The following TTC7B variants were observed in gnomAD, a reference collection of about 807,000 sequenced individuals.
The protein encoded by TTC7B is tetratricopeptide repeat domain 7B.
TTC7B carries 28 observed loss-of-function variants against 106.8 expected under a neutral mutation model. The observed-to-expected ratio is 0.26, with a 90% CI of 0.19 to 0.36. TTC7B has a LOEUF of 0.36. Ranked by LOEUF, TTC7B falls within the 10% of genes least tolerant of loss-of-function variation. The pLI is 1.00. For missense variants in TTC7B, 862 were observed against 1,076.4 expected, an observed-to-expected ratio of 0.80 and a Z score of 2.79; for synonymous variants, 405 against 430.6, an observed-to-expected ratio of 0.94 and a Z score of 0.74.
intron 3 of TTC7B, among the ~76,000 whole-genome samples, chr14:90,760,536 C>T (rs1198676690): frequency 2.6e-5 from 4 of 152,222 alleles, no homozygotes; most frequent in Non-Finnish European, 5.9e-5. Flanking sequence ...CACTCTTCAC[C>T]ACATTTTAAC....
At chr14:90,731,258 ACT>A (rs1889318195) in intron 4 of TTC7B, among the ~76,000 whole-genome samples, 2 of 151,836 alleles carry the variant, frequency 1.3e-5, no homozygotes, top group African/African-American at 4.8e-5. Context: ...GCCTGCTGCT[ACT>A]CTCTTTAAAC....
chr14:90,573,673 C>T (rs932622511), intron 19 of TTC7B, among the ~76,000 whole-genome samples: 20 of 152,136 alleles, frequency 1.3e-4, no homozygotes, highest in African/African-American at 4.8e-4. Context: ...CACGGTCCCT[C>T]TCGGCCCACA....
chr14:90,599,982 C>T (rs961430871), intron 17 of TTC7B, among the ~76,000 whole-genome samples: 15 of 152,158 alleles, frequency 9.9e-5, no homozygotes, highest in African/African-American at 3.1e-4. Flanking sequence ...ATAAATCAGT[C>T]CAACACTGCA....
intron 17 of TTC7B, among the ~76,000 whole-genome samples, chr14:90,596,928 C>T (rs917817404): frequency 1.3e-5 from 2 of 152,242 alleles, no homozygotes; most frequent in East Asian, 1.9e-4. Context: ...CTACTCTTCC[C>T]CTCTAACAAC....
At chr14:90,684,294 C>T (rs919666427) in intron 7 of TTC7B, among the ~76,000 whole-genome samples, 4 of 151,996 alleles carry the variant, frequency 2.6e-5, no homozygotes, top group African/African-American at 9.7e-5. Flanking sequence ...ATTTAATTGT[C>T]GAAGCTACCT....
chr14:90,743,176 C>T (rs1274745235), intron 4 of TTC7B, among the ~76,000 whole-genome samples: 1 of 152,188 alleles, frequency 6.6e-6, no homozygotes, highest in African/African-American at 2.4e-5. Context: ...GCAAGACAGA[C>T]ATGTATCTTC....
chr14:90,689,358 C>T (rs1228218118), intron 7 of TTC7B, among the ~76,000 whole-genome samples, 182 bp downstream of exon 7: 2 of 152,204 alleles, frequency 1.3e-5, no homozygotes, highest in Non-Finnish European at 2.9e-5. Context: ...CCTGCTAGTG[C>T]ACAGATATTT....
chr14:90,622,174 G>T (rs1884236516), intron 15 of TTC7B, among the ~76,000 whole-genome samples: 2 of 150,458 alleles, frequency 1.3e-5, no homozygotes, highest in South Asian at 4.2e-4. Flanking sequence ...CTGGAGTGCG[G>T]TGGTGTGATC....
intron 19 of TTC7B, among the ~76,000 whole-genome samples, chr14:90,567,212 T>G (rs538746570): frequency 6.6e-6 from 1 of 152,180 alleles, no homozygotes; most frequent in Non-Finnish European, 1.5e-5. Context: ...AACCCCACCT[T>G]GGCAACATGA....
chr14:90,645,889 A>AG (rs1380057169), intron 14 of TTC7B, among the ~76,000 whole-genome samples: 3 of 152,212 alleles, frequency 2.0e-5, no homozygotes, highest in Non-Finnish European at 4.4e-5. Context: ...CCTACAGTCC[A>AG]GTGAGAAAGA....
intron 15 of TTC7B, among the ~76,000 whole-genome samples, chr14:90,629,883 G>C (rs1415643931): frequency 3.3e-5 from 5 of 152,178 alleles, no homozygotes; most frequent in South Asian, 2.1e-4. Flanking sequence ...TGCCCTGAAG[G>C]CTGGTTCTCC....
intron 3 of TTC7B, among the ~76,000 whole-genome samples, chr14:90,779,123 A>G (rs2140034103): frequency 6.6e-6 from 1 of 152,318 alleles, no homozygotes; most frequent in Admixed American, 6.5e-5. Context: ...AGATGGCCAG[A>G]AGGACAGGAG....
intron 18 of TTC7B, among the ~76,000 whole-genome samples, chr14:90,582,496 G>A (rs1166571765): frequency 6.6e-6 from 1 of 152,218 alleles, no homozygotes; most frequent in African/African-American, 2.4e-5. Context: ...GCATTTTCCT[G>A]CCACATCCAT....
At chr14:90,636,444 A>G (rs1185504663) in intron 15 of TTC7B, among the ~76,000 whole-genome samples, 1 of 151,362 alleles carries the variant, frequency 6.6e-6, no homozygotes, top group Non-Finnish European at 1.5e-5. Flanking sequence ...AAAAAAAAAA[A>G]AAAGCCAATC....
chr14:90,688,636 A>C (rs990732228), intron 7 of TTC7B, among the ~76,000 whole-genome samples: 21 of 68,950 alleles, frequency 3.0e-4, no homozygotes, highest in African/African-American at 1.1e-3. Context: ...AAAAAAAAAA[A>C]AAAAAAAAAA....
chr14:90,711,930 A>T (rs1212520722), intron 5 of TTC7B, among the ~76,000 whole-genome samples: 4 of 152,216 alleles, frequency 2.6e-5, no homozygotes, highest in Non-Finnish European at 5.9e-5. Flanking sequence ...ATGTGTATGT[A>T]TACAATCCAT....
intron 13 of TTC7B, among the ~76,000 whole-genome samples, chr14:90,651,262 C>G (rs1406448435): frequency 1.3e-5 from 2 of 152,188 alleles, no homozygotes; most frequent in Non-Finnish European, 2.9e-5. Flanking sequence ...GAAAAACATT[C>G]TATATTTCAC....
intron 18 of TTC7B, among the ~76,000 whole-genome samples, chr14:90,590,907 A>C (rs147549889): frequency 1.1e-3 from 172 of 152,362 alleles, no homozygotes; most frequent in African/African-American, 3.9e-3. Context: ...CAGGGTCGAC[A>C]GTCACTTTCC....
At chr14:90,671,847 G>A (rs4900055) in intron 9 of TTC7B, among the ~76,000 whole-genome samples, 33,333 of 152,128 alleles carry the variant, frequency 0.22, 3,810 homozygotes, top group Admixed American at 0.3. Flanking sequence ...AGAGGCGGCC[G>A]GTCTTGAGAT....
Sources: gnomAD v4.1 joint callset for allele counts (sites outside exome capture counted in the v4.1 genomes callset) on GRCh38, gnomAD v4.1.1 for gene constraint, MANE v1.5 for transcripts, NCBI Gene and HGNC (gene_info 2026-07-23, HGNC 2026-07-21) for gene names.